The following UTP20 variants were observed in gnomAD, a reference collection of about 807,000 sequenced individuals.
UTP20 encodes the protein UTP20 small subunit processome component, also known as small subunit processome component 20 homolog.
UTP20 carries 164 observed loss-of-function variants against 329.5 expected under a neutral mutation model. The ratio of observed to expected loss-of-function variants is 0.50; its 90% CI spans 0.44 to 0.57. UTP20 has a LOEUF of 0.57. UTP20 is among the 20% of genes least tolerant of loss of function. The probability of loss-of-function intolerance (pLI) is 0.00; values close to 1 mark genes in which losing one functional copy is unlikely to be tolerated. For synonymous variants in UTP20, 1,151 were observed against 1,159.3 expected (o/e 0.99, Z 0.14); for missense variants, 3,055 against 3,284.2 (o/e 0.93, Z 1.71).
intron 23 of UTP20, among the ~76,000 whole-genome samples, chr12:101,320,317 A>G (rs1873108057): frequency 6.6e-6 from 1 of 152,124 alleles, no homozygotes; most frequent in South Asian, 2.1e-4. Context: ...GCACTTTGGG[A>G]GGCCAAGGCG....
chr12:101,282,696 C>A (rs2137225787), intron 2 of UTP20, among the ~76,000 whole-genome samples: 1 of 152,304 alleles, frequency 6.6e-6, no homozygotes, highest in Admixed American at 6.5e-5. Flanking sequence ...AGCAGGACTG[C>A]AGTTCTTCAT....
At chr12:101,342,413 G>A (rs1346465519) in intron 32 of UTP20, 33 bp from the exon 33 acceptor site, 1 of 1,564,740 alleles carries the variant, frequency 6.4e-7, no homozygotes, top group Non-Finnish European at 8.6e-7. Flanking sequence ...ATAACTTACT[G>A]AAATATGATT....
In UTP20 at chr12:101,338,804, C is replaced by G. The variant is rs377388820; in HGVS notation, c.3869-9C>G. 1.9e-6 allele frequency: 3 copies of G among 1,577,610 alleles called. No homozygotes were observed. The African/African-American group carries it at 4.1e-5, about 22-fold the overall frequency. ...TATTAAAATCAAATCAAATCACTAT[C>G]TATTTCAGAGTCTATCACAATAGGA... On this transcript the variant is annotated splice_polypyrimidine_tract_variant and intron_variant, in intron 30 of 61. Coordinates refer to ENST00000261637, the MANE Select transcript of UTP20 (RefSeq NM_014503.3).
At chr12:101,331,620 GATTCAA>G (rs1005456282) in intron 27 of UTP20, among the ~76,000 whole-genome samples, 1 of 152,144 alleles carries the variant, frequency 6.6e-6, no homozygotes, top group African/African-American at 2.4e-5. Context: ...TGCTGTATCA[GATTCAA>G]ATACCTCTGT....
chr12:101,377,017 G>A (rs1326607273), intron 56 of UTP20, among the ~76,000 whole-genome samples: 1 of 152,150 alleles, frequency 6.6e-6, no homozygotes, highest in Non-Finnish European at 1.5e-5. Context: ...CTGACCTCAG[G>A]TGATCCACCT....
intron 43 of UTP20, among the ~76,000 whole-genome samples, chr12:101,358,758 A>G (rs1217176409): frequency 6.6e-6 from 1 of 152,052 alleles, no homozygotes; most frequent in South Asian, 2.1e-4. Flanking sequence ...CATCAGGCAG[A>G]TAATGCCCAA....
chr12:101,318,642 C>T (rs888729719), intron 22 of UTP20, among the ~76,000 whole-genome samples: 8 of 151,882 alleles, frequency 5.3e-5, no homozygotes, highest in African/African-American at 1.9e-4. Context: ...ACCAGCCTGG[C>T]CAACATGGTA....
intron 2 of UTP20, among the ~76,000 whole-genome samples, chr12:101,284,632 T>A (rs530562753): frequency 8.5e-5 from 13 of 152,224 alleles, no homozygotes; most frequent in African/African-American, 2.9e-4. Flanking sequence ...CACACATACG[T>A]ACATGTATAC....
chr12:101,293,850 A>G (rs566892635), intron 11 of UTP20, among the ~76,000 whole-genome samples: 11 of 151,442 alleles, frequency 7.3e-5, no homozygotes, highest in Non-Finnish European at 1.5e-4. Context: ...TAACAACTGC[A>G]TTTTTCCTTT....
At chr12:101,314,580 C>T (rs1872904397) in intron 21 of UTP20, among the ~76,000 whole-genome samples, 1 of 151,476 alleles carries the variant, frequency 6.6e-6, no homozygotes, top group Admixed American at 6.6e-5. Context: ...ATGGCGTGAA[C>T]CCGGGAGGTG....
chr12:101,300,127 C>T (rs1052966160), intron 14 of UTP20, 66 bp downstream of exon 14: 3 of 1,430,126 alleles, frequency 2.1e-6, no homozygotes, highest in Non-Finnish European at 3.0e-6. Context: ...ATTGTAAACA[C>T]ATGAGCTATT....
At chr12:101,355,249 A>C in intron 41 of UTP20, 131 bp downstream of exon 41, 2 of 1,007,302 alleles carry the variant, frequency 2.0e-6, no homozygotes, top group Non-Finnish European at 1.4e-6. Flanking sequence ...AACACTTCAC[A>C]ATTCACCCCT....
At chr12:101,383,468 C>T in intron 59 of UTP20, 75 bp from the exon 60 acceptor site, 10 of 1,550,618 alleles carry the variant, frequency 6.4e-6, no homozygotes, top group Non-Finnish European at 8.7e-6. Flanking sequence ...GCCCTGTTTT[C>T]TCAATTAATG....
chr12:101,287,105 TC>T (rs1871984868), intron 5 of UTP20, among the ~76,000 whole-genome samples: 1 of 152,226 alleles, frequency 6.6e-6, no homozygotes, highest in South Asian at 2.1e-4. Context: ...CACTTGGTCT[TC>T]CGGTTGTTTT....
At chr12:101,330,066 A>G (rs1868709066) in intron 27 of UTP20, among the ~76,000 whole-genome samples, 1 of 152,112 alleles carries the variant, frequency 6.6e-6, no homozygotes. Flanking sequence ...CATATATTAG[A>G]GAAAGTAGAA....
At chr12:101,344,245 A>G (rs1407406692) in intron 35 of UTP20, among the ~76,000 whole-genome samples, 1 of 152,224 alleles carries the variant, frequency 6.6e-6, no homozygotes, top group Non-Finnish European at 1.5e-5. Context: ...GGAGCAGCCA[A>G]TTCTGTCATT....
In UTP20 at chr12:101,342,561, C is replaced by T. The variant is rs759845191; in HGVS notation, c.4217C>T (p.Ser1406Leu). ...KLFSVIKNKLSRKLLCTVFET... is the reference protein window; with the variant it reads ...KLFSVIKNKLLRKLLCTVFET... ...TTCTCAGTTATTAAGAACAAATTGTCAAGAAAATTGCTTTGTACGGTTTTT... is the reference window on the plus strand; with the variant it reads ...TTCTCAGTTATTAAGAACAAATTGTTAAGAAAATTGCTTTGTACGGTTTTT... Residue 1406 changes from serine to leucine, a missense_variant, in exon 33 of 62, where the codon TCA becomes TTA. Ser to Leu is a moderately radical substitution (Grantham distance 145, BLOSUM62 -2). Coordinates refer to ENST00000261637, the MANE Select transcript of UTP20 (RefSeq NM_014503.3). 29 of 1,612,656 alleles carry T rather than the reference C, an allele frequency of 1.8e-5. No homozygotes were observed. The highest frequency in any genetic ancestry group is 2.4e-5 in the Non-Finnish European group (28 of 1,179,614).
Position 101,383,391 on chromosome 12 carries a change from A to G in UTP20, c.7929+78A>G. On this transcript the variant is annotated intron_variant, in intron 59 of 61. Coordinates refer to ENST00000261637, the MANE Select transcript of UTP20 (RefSeq NM_014503.3). The stretch of plus-strand genomic sequence containing the variant: ...TTTTAATGATATTAGTGATCCTCCT[A>G]AGTCCCTAGAAACTTTATCTTTGAA... The G allele has an allele frequency of 7.4e-6, 11 of 1,489,570 alleles. No homozygotes were observed. In the South Asian group the frequency reaches 1.3e-4, roughly 18 times the overall value. The allele number at this position is 1,489,570 out of a possible 1,614,324, so 92.3% of individuals were successfully genotyped here. A position where few individuals can be genotyped will look rare whatever the true frequency, so the allele number is the denominator to read the frequency against.
At chr12:101,313,729 T>G (rs1872871646) in intron 21 of UTP20, among the ~76,000 whole-genome samples, 15 of 130,550 alleles carry the variant, frequency 1.1e-4, no homozygotes, top group Middle Eastern at 3.4e-3. Flanking sequence ...TGGTGGGGAG[T>G]GGGACAGGAA....
Sources: allele counts gnomAD v4.1 joint callset (sites outside exome capture counted in the v4.1 genomes callset), GRCh38; gene constraint gnomAD v4.1.1; transcripts MANE v1.5; gene names NCBI Gene and HGNC (gene_info 2026-07-23, HGNC 2026-07-21).